The following CAMK1D variants were observed in gnomAD, a reference collection of about 807,000 sequenced individuals.
CAMK1D encodes the protein calcium/calmodulin-dependent protein kinase type 1D.
In CAMK1D, 9 loss-of-function variants were observed where a neutral mutation model predicts 47.7. That is an observed-to-expected ratio of 0.19 (90% CI 0.11 to 0.33). CAMK1D has a LOEUF of 0.33. Among genes scored for constraint, CAMK1D ranks in the 10% least tolerant of loss-of-function variants. The probability of loss-of-function intolerance (pLI) is 1.00; values close to 1 mark genes in which losing one functional copy is unlikely to be tolerated. For missense variants in CAMK1D, 291 were observed against 488.7 expected, an observed-to-expected ratio of 0.60 and a Z score of 3.81; for synonymous variants, 184 against 184.9, an observed-to-expected ratio of 0.99 and a Z score of 0.04.
intron 1 of CAMK1D, among the ~76,000 whole-genome samples, chr10:12,473,702 A>G (rs1439757496): frequency 6.6e-6 from 1 of 152,000 alleles, no homozygotes; most frequent in Non-Finnish European, 1.5e-5. Context: ...GGCTCTCCCA[A>G]CCGCCCAGCT....
chr10:12,461,487 G>C (rs1024348973), intron 1 of CAMK1D, among the ~76,000 whole-genome samples: 7 of 152,004 alleles, frequency 4.6e-5, no homozygotes, highest in Non-Finnish European at 1.0e-4. Flanking sequence ...TTAAGAGATC[G>C]AGACTATCTT....
At chr10:12,431,709 A>G (rs1261349347) in intron 1 of CAMK1D, among the ~76,000 whole-genome samples, 3 of 152,330 alleles carry the variant, frequency 2.0e-5, no homozygotes, top group Admixed American at 2.0e-4. Flanking sequence ...TCTCACCCGC[A>G]TGACCCGGTC....
intron 3 of CAMK1D, among the ~76,000 whole-genome samples, chr10:12,681,739 C>T (rs1432867150): frequency 6.6e-6 from 1 of 152,170 alleles, no homozygotes; most frequent in East Asian, 1.9e-4. Context: ...ACAAATACCC[C>T]ATATTTTGGT....
At chr10:12,483,561 G>T (rs1230348272) in intron 1 of CAMK1D, among the ~76,000 whole-genome samples, 1 of 152,048 alleles carries the variant, frequency 6.6e-6, no homozygotes, top group Non-Finnish European at 1.5e-5. Flanking sequence ...ATGTGGTCTT[G>T]TTATGTTGCT....
chr10:12,580,252 A>C (rs1160687104), intron 2 of CAMK1D, among the ~76,000 whole-genome samples: 1 of 151,642 alleles, frequency 6.6e-6, no homozygotes, highest in Non-Finnish European at 1.5e-5. Context: ...ATCTGTAACT[A>C]GTTTCACTAA....
intron 1 of CAMK1D, among the ~76,000 whole-genome samples, chr10:12,365,087 G>C (rs1479314012): frequency 1.3e-5 from 2 of 151,812 alleles, no homozygotes; most frequent in Non-Finnish European, 2.9e-5. Flanking sequence ...CTCCTAAGTA[G>C]CTGGGATTAT....
intron 1 of CAMK1D, among the ~76,000 whole-genome samples, chr10:12,412,456 A>AC (rs1554766877): frequency 5.1e-3 from 2 of 396 alleles, no homozygotes; most frequent in Non-Finnish European, 0.022. Context: ...CTAAAAATAC[A>AC]AAAAAAAAAA....
chr10:12,493,555 G>A lies in CAMK1D; in HGVS notation c.93-59670G>A, dbSNP rs149960132. ...GTCACCCGGGCTGGAGTGCAGTGGC[G>A]CAATCTCAGCTTACTGTGACCTCCA... On this transcript the variant is annotated intron_variant, in intron 1 of 10. Coordinates refer to ENST00000619168, the MANE Select transcript of CAMK1D (RefSeq NM_153498.4). 3.4e-3 allele frequency among the ~76,000 whole-genome samples: 523 copies of A among 152,076 alleles called. 2 individuals are homozygous for A. The highest frequency in any genetic ancestry group is 0.01 in the African/African-American group (420 of 41,468).
At chr10:12,666,578 G>A (rs960865978) in intron 2 of CAMK1D, among the ~76,000 whole-genome samples, 158 bp from the exon 3 acceptor site, 4 of 152,210 alleles carry the variant, frequency 2.6e-5, no homozygotes, top group Non-Finnish European at 4.4e-5. Context: ...TAGGAAATGG[G>A]TCTGGAAAAA....
chr10:12,470,180 A>T (rs914321846), intron 1 of CAMK1D, among the ~76,000 whole-genome samples: 12 of 152,214 alleles, frequency 7.9e-5, no homozygotes, highest in Middle Eastern at 3.2e-3. Flanking sequence ...ACAATTCTCT[A>T]TAATGCTTTT....
At chr10:12,429,342 C>T (rs1052938548) in intron 1 of CAMK1D, among the ~76,000 whole-genome samples, 8 of 148,662 alleles carry the variant, frequency 5.4e-5, no homozygotes, top group African/African-American at 1.7e-4. Context: ...CATTCTCTCT[C>T]TCTTTTTTTC....
At chr10:12,426,863 T>C (rs1840251167) in intron 1 of CAMK1D, among the ~76,000 whole-genome samples, 3 of 152,004 alleles carry the variant, frequency 2.0e-5, no homozygotes, top group Admixed American at 6.5e-5. Context: ...CACAGGTGCA[T>C]GCCACCACGC....
intron 2 of CAMK1D, among the ~76,000 whole-genome samples, chr10:12,570,398 G>T (rs753987956): frequency 4.6e-5 from 7 of 151,896 alleles, no homozygotes; most frequent in Non-Finnish European, 8.8e-5. Context: ...TCTATGAGGG[G>T]CTGGGCGCAG....
At chr10:12,804,658 G>C (rs1588949179) in intron 6 of CAMK1D, among the ~76,000 whole-genome samples, 1 of 151,746 alleles carries the variant, frequency 6.6e-6, no homozygotes, top group East Asian at 1.9e-4. Flanking sequence ...TACAGGCTGA[G>C]TATGATGGCT....
chr10:12,801,671 ATATC>A, intron 6 of CAMK1D, among the ~76,000 whole-genome samples: 1 of 152,108 alleles, frequency 6.6e-6, no homozygotes, highest in South Asian at 2.1e-4. Flanking sequence ...CTTCATATCT[ATATC>A]TATCTTCATT....
chr10:12,783,147 C>T (rs367891982), intron 5 of CAMK1D, among the ~76,000 whole-genome samples: 3 of 152,090 alleles, frequency 2.0e-5, no homozygotes, highest in East Asian at 1.9e-4. Flanking sequence ...CATGCACCAC[C>T]GCGCCTGGCT....
chr10:12,730,940 T>G (rs1019686994), intron 3 of CAMK1D, among the ~76,000 whole-genome samples: 1 of 152,058 alleles, frequency 6.6e-6, no homozygotes, highest in African/African-American at 2.4e-5. Flanking sequence ...GGGAGAGGAT[T>G]TAAATGTGAG....
At chr10:12,794,933 A>C (rs1838131827) in intron 6 of CAMK1D, among the ~76,000 whole-genome samples, 1 of 152,050 alleles carries the variant, frequency 6.6e-6, no homozygotes, top group Non-Finnish European at 1.5e-5. Flanking sequence ...CACCATACAG[A>C]TGGTTGGTAC....
intron 1 of CAMK1D, among the ~76,000 whole-genome samples, chr10:12,510,514 A>G (rs1196160712): frequency 6.6e-6 from 1 of 152,256 alleles, no homozygotes; most frequent in South Asian, 2.1e-4. Context: ...TTTACCTACC[A>G]CACAAACACT....
Sources: allele counts gnomAD v4.1 joint callset (sites outside exome capture counted in the v4.1 genomes callset), GRCh38; gene constraint gnomAD v4.1.1; transcripts MANE v1.5; gene names NCBI Gene and HGNC (gene_info 2026-07-23, HGNC 2026-07-21).